The following NPTX2 variants were observed in gnomAD, a reference collection of about 807,000 sequenced individuals.
The protein encoded by NPTX2 is neuronal pentraxin-2.
A neutral mutation model predicts 38.1 loss-of-function variants in NPTX2; 23 were observed. The observed-to-expected ratio is 0.60, with a 90% CI of 0.43 to 0.85. The LOEUF (loss-of-function observed/expected upper bound fraction) is 0.85. Ranked by LOEUF, NPTX2 falls within the 40% of genes least tolerant of loss-of-function variation. The probability of loss-of-function intolerance (pLI) is 0.00; values close to 1 mark genes in which losing one functional copy is unlikely to be tolerated. For missense variants in NPTX2, 553 were observed against 615.3 expected (o/e 0.90, Z 1.07); for synonymous variants, 291 against 287.3 (o/e 1.01, Z -0.13).
At chr7:98,627,065 TG>T in intron 3 of NPTX2, 99 bp from the exon 4 acceptor site, 1 of 729,342 alleles carries the variant, frequency 1.4e-6, no homozygotes, top group Non-Finnish European at 2.3e-6. Context: ...AGGAGCAGTG[TG>T]GCCCAGGGGG....
chr7:98,620,131 T>G, intron 2 of NPTX2: 1 of 494,776 alleles, frequency 2.0e-6, no homozygotes, highest in South Asian at 2.2e-5. Context: ...TAACTAGTCC[T>G]GGCAGCGGAT....
At chr7:98,621,112 C>T (rs1449305348) in intron 2 of NPTX2, among the ~76,000 whole-genome samples, 3 of 152,172 alleles carry the variant, frequency 2.0e-5, no homozygotes, top group Non-Finnish European at 4.4e-5. Context: ...CCTCCTCCTT[C>T]TCTTTCTCTC....
Position 98,617,660 on chromosome 7 carries a change from C to T in NPTX2, c.199C>T (p.Arg67Cys), listed in dbSNP as rs1485271174. The T allele has an allele frequency of 4.0e-6, 6 of 1,481,510 alleles. No homozygotes were observed. The highest frequency in any genetic ancestry group is 2.3e-5 in the Admixed American group (1 of 42,790). 91.8% of individuals were successfully genotyped at this position (1,481,510 alleles called of 1,614,324 possible). A position where few individuals can be genotyped will look rare whatever the true frequency, so the allele number is the denominator to read the frequency against. ...EELRAAVLQLRETVVQQKETL... is the reference protein window; with the variant it reads ...EELRAAVLQLCETVVQQKETL... ...GCTGAGGGCCGCGGTGCTGCAGCTG[C>T]GCGAGACCGTCGTGCAGCAGAAGGA... Residue 67 changes from arginine (R) to cysteine (C), a missense_variant, in exon 1 of 5, where the codon CGC (arginine) becomes TGC (cysteine). Transcript: ENST00000265634.
At position 98,617,499 on chromosome 7, in the gene NPTX2, T is replaced by C. The variant is rs1324493867; in HGVS notation, c.38T>C (p.Val13Ala). ...ALLAASVALA[V>A]AAGAQDSPAP... Reference sequence around the variant, plus strand: ...CTGGCCGCCAGCGTGGCGCTCGCCGTGGCCGCTGGGGCCCAGGACAGCCCG... The same window carrying C: ...CTGGCCGCCAGCGTGGCGCTCGCCGCGGCCGCTGGGGCCCAGGACAGCCCG... Residue 13 changes from valine (V) to alanine (A), a missense_variant, in exon 1 of 5, where the codon GTG becomes GCG. Physicochemically the swap from Val to Ala is moderately conservative, Grantham distance 64. Coordinates refer to ENST00000265634, the MANE Select transcript of NPTX2 (RefSeq NM_002523.3). 4 of 1,268,458 alleles carry C rather than the reference T, an allele frequency of 3.2e-6. No homozygotes were observed. Among genetic ancestry groups the C allele is most frequent in the Middle Eastern group, 3.0e-4 (1 of 3,340 alleles). The allele number at this position is 1,268,458 out of a possible 1,614,324, so 78.6% of individuals were successfully genotyped here.
In NPTX2 at chr7:98,617,704, C is replaced by G. The variant is rs918530466; in HGVS notation, c.243C>G (p.Arg81=). ...AGAAGGAGACGCTGGGCGCGCAGCG[C>G]GAGGCCATCCGCGAGCTCACGGGCA... ...VQQKETLGAQ[R]EAIRELTGKL... is the part of the protein sequence containing the mutation. The change falls in exon 1 of 5, where the codon CGC becomes CGG. Residue 81 remains arginine (R), a synonymous_variant. Transcript: ENST00000265634. 8 of 1,438,388 alleles carry G rather than the reference C, an allele frequency of 5.6e-6. No homozygotes were observed. Among genetic ancestry groups the G allele is most frequent in the Non-Finnish European group, 7.2e-6 (8 of 1,107,742 alleles). The allele number at this position is 1,438,388 out of a possible 1,614,324, so 89.1% of individuals were successfully genotyped here. A position where few individuals can be genotyped will look rare whatever the true frequency, so the allele number is the denominator to read the frequency against.
chr7:98,627,372 A>ACAGGGTGGGTG (rs1480979569), intron 4 of NPTX2, 28 bp downstream of exon 4: 1 of 1,602,978 alleles, frequency 6.2e-7, no homozygotes, highest in African/African-American at 1.3e-5. Context: ...GCAGGTGGGC[A>ACAGGGTGGGTG]CAGGGTGGGT....
At chr7:98,618,786 G>C (rs1012297867) in intron 1 of NPTX2, among the ~76,000 whole-genome samples, 1 of 151,886 alleles carries the variant, frequency 6.6e-6, no homozygotes, top group Non-Finnish European at 1.5e-5. Context: ...TTAAATTACA[G>C]GTGGTAATTA....
Position 98,617,495 on chromosome 7 carries a change from G to T in NPTX2, c.34G>T (p.Ala12Ser). The change falls in exon 1 of 5, where the codon GCC (alanine) becomes TCC (serine). Residue 12 changes from alanine to serine, a missense_variant. Coordinates refer to ENST00000265634, the MANE Select transcript of NPTX2 (RefSeq NM_002523.3). ...GCTGCTGGCCGCCAGCGTGGCGCTC[G>T]CCGTGGCCGCTGGGGCCCAGGACAG... ...LALLAASVAL[A>S]VAAGAQDSPA... is the part of the protein sequence containing the mutation. The T allele has an allele frequency of 7.9e-7, 1 of 1,260,172 alleles. No individual in the cohort carries two copies. Among genetic ancestry groups the T allele is most frequent in the Admixed American group, 4.2e-5 (1 of 23,800 alleles). 78.1% of individuals were successfully genotyped at this position (1,260,172 alleles called of 1,614,324 possible). A position where few individuals can be genotyped will look rare whatever the true frequency, so the allele number is the denominator to read the frequency against.
chr7:98,619,910 T>A, intron 2 of NPTX2, 51 bp downstream of exon 2: 1 of 1,518,088 alleles, frequency 6.6e-7, no homozygotes, highest in East Asian at 2.3e-5. Context: ...TTTTCACCAC[T>A]TGTGGTCAGA....
chr7:98,627,634 G>A (rs776311407), intron 4 of NPTX2, among the ~76,000 whole-genome samples: 2 of 152,310 alleles, frequency 1.3e-5, no homozygotes, highest in East Asian at 3.9e-4. Context: ...TGGGTGTGTG[G>A]TTCAAACAGA....
rs11763387 is a variant in NPTX2, at chr7:98,625,250, C to T, written c.888+84C>T. 7.4e-4 allele frequency: 1,099 copies of T among 1,489,182 alleles called. 6 individuals carry two copies. In the Middle Eastern group the frequency reaches 8.1e-3, roughly 11 times the overall value. 92.2% of individuals were successfully genotyped at this position (1,489,182 alleles called of 1,614,324 possible). ...CAGCCCCCACCCCAGCCGTCCTCGC[C>T]CTCCTCGGGCCACACAGCAGTGTCC... is the stretch of plus-strand genomic sequence containing the variant. On this transcript the variant is annotated intron_variant, in intron 3 of 4. Coordinates refer to ENST00000265634, the MANE Select transcript of NPTX2 (RefSeq NM_002523.3).
intron 1 of NPTX2, 32 bp downstream of exon 1, chr7:98,617,919 G>A: frequency 6.5e-7 from 1 of 1,534,178 alleles, no homozygotes; most frequent in Non-Finnish European, 8.7e-7. Flanking sequence ...GGGGGACCTG[G>A]AATGGGGACG....
intron 1 of NPTX2, among the ~76,000 whole-genome samples, chr7:98,618,679 C>A (rs1439252964): frequency 6.7e-6 from 1 of 149,942 alleles, no homozygotes; most frequent in Admixed American, 6.7e-5. Context: ...AGAGAAAAAT[C>A]TTCAATTATT....
At chr7:98,620,206 T>A (rs1791251309) in intron 2 of NPTX2, 4 of 324,406 alleles carry the variant, frequency 1.2e-5, no homozygotes. Flanking sequence ...GGAGACAGAG[T>A]GGGAGGGATC....
At chr7:98,625,750 A>G (rs564254863) in intron 3 of NPTX2, among the ~76,000 whole-genome samples, 1 of 150,134 alleles carries the variant, frequency 6.7e-6, no homozygotes, top group African/African-American at 2.5e-5. Flanking sequence ...TCCCAGCCCC[A>G]GCCCATGGCC....
At chr7:98,627,724 A>G (rs1351096664) in intron 4 of NPTX2, among the ~76,000 whole-genome samples, 1 of 152,172 alleles carries the variant, frequency 6.6e-6, no homozygotes, top group Non-Finnish European at 1.5e-5. Flanking sequence ...TCCAGCTTCC[A>G]TCTGGGAGGA....
At chr7:98,628,377 C>T in intron 4 of NPTX2, 25 bp from the exon 5 acceptor site, 1 of 1,223,752 alleles carries the variant, frequency 8.2e-7, no homozygotes, top group Non-Finnish European at 1.2e-6. Context: ...AGCCCTGACG[C>T]AGCTCTCTTG....
In NPTX2 at chr7:98,627,212, CTG is replaced by C; in HGVS notation, c.940_941del (p.Val314HisfsTer48). 6.2e-7 allele frequency: 1 copy of C among 1,613,532 alleles called. No homozygotes were observed. The highest frequency in any genetic ancestry group is 8.5e-7 in the Non-Finnish European group (1 of 1,179,494). On this transcript the variant is annotated frameshift_variant, in exon 4 of 5. Transcript: ENST00000265634. LOFTEE classifies it high-confidence loss of function. ...FVSDGKWHHI[C>X]VTWTTRDGMW... ...TCAGTGACGGCAAGTGGCACCACAT[CTG>C]TGTCACCTGGACGACACGGGATGGC...
chr7:98,620,963 A>G (rs2115615897), intron 2 of NPTX2, among the ~76,000 whole-genome samples: 1 of 152,154 alleles, frequency 6.6e-6, no homozygotes, highest in East Asian at 1.9e-4. Flanking sequence ...GCCAGGCGGG[A>G]GCTCAGACTC....
Sources: allele counts gnomAD v4.1 joint callset (sites outside exome capture counted in the v4.1 genomes callset), GRCh38; gene constraint gnomAD v4.1.1; transcripts MANE v1.5; gene names NCBI Gene and HGNC (gene_info 2026-07-23, HGNC 2026-07-21).